The following NDUFC2 variants were observed in gnomAD, a reference collection of about 807,000 sequenced individuals.
NDUFC2 encodes the protein NADH dehydrogenase [ubiquinone] 1 subunit C2.
NDUFC2 carries 2 observed loss-of-function variants against 10.1 expected under a neutral mutation model. The ratio of observed to expected loss-of-function variants is 0.20; its 90% CI spans 0.08 to 0.62. NDUFC2 has a LOEUF of 0.62. Among genes scored for constraint, NDUFC2 ranks in the 20% least tolerant of loss-of-function variants. The pLI, the probability that NDUFC2 is intolerant of heterozygous loss-of-function variation, is 0.87. For synonymous variants in NDUFC2, 61 were observed against 63.6 expected, an observed-to-expected ratio of 0.96 and a Z score of 0.20; for missense variants, 156 against 159.6, an observed-to-expected ratio of 0.98 and a Z score of 0.12.
chr11:78,069,843 G>A lies in NDUFC2; in HGVS notation c.*144C>T. The A allele has an allele frequency of 6.5e-7, 1 of 1,545,026 alleles. No homozygotes were observed. Among genetic ancestry groups the A allele is most frequent in the Non-Finnish European group, 8.8e-7 (1 of 1,131,626 alleles). ...GAACTATTTTTCTTACAACAATAAA[G>A]AGTCAGAGTACTCATGGTACGTATT... is the stretch of plus-strand genomic sequence containing the variant. On this transcript the variant is annotated 3_prime_UTR_variant, in exon 3 of 3. Coordinates refer to ENST00000281031, the MANE Select transcript of NDUFC2 (RefSeq NM_004549.6).
intron 1 of NDUFC2, among the ~76,000 whole-genome samples, chr11:78,079,113 C>CAAAA (rs386374249): frequency 0.061 from 8,366 of 137,420 alleles, 841 homozygotes; most frequent in African/African-American, 0.21. Flanking sequence ...ATTCAGAGGT[C>CAAAA]AAAAAAAAAA....
chr11:78,073,868 C>T (rs1859130605), intron 1 of NDUFC2, among the ~76,000 whole-genome samples: 1 of 149,904 alleles, frequency 6.7e-6, no homozygotes, highest in South Asian at 2.1e-4. Flanking sequence ...TTGAGACACC[C>T]TACATATTCT....
intron 1 of NDUFC2, among the ~76,000 whole-genome samples, chr11:78,073,692 C>T (rs1404099784): frequency 1.0e-4 from 15 of 147,410 alleles, no homozygotes; most frequent in Non-Finnish European, 1.5e-5. Flanking sequence ...ATCCCAACTA[C>T]TTGGGTGGCT....
chr11:78,071,948 G>A (rs543044359), intron 2 of NDUFC2, among the ~76,000 whole-genome samples: 7 of 152,320 alleles, frequency 4.6e-5, no homozygotes, highest in East Asian at 3.9e-4. Context: ...CCACTATTAT[G>A]CATAAGTAAG....
chr11:78,072,010 C>A (rs1031638097), intron 2 of NDUFC2, among the ~76,000 whole-genome samples: 1 of 152,070 alleles, frequency 6.6e-6, no homozygotes, highest in African/African-American at 2.4e-5. Context: ...AAAGACGAAG[C>A]TACAATCCAT....
chr11:78,074,243 T>C (rs970756092), intron 1 of NDUFC2, among the ~76,000 whole-genome samples: 5 of 152,096 alleles, frequency 3.3e-5, no homozygotes, highest in African/African-American at 4.8e-5. Flanking sequence ...TATTTTAGCA[T>C]ATAGCACTTA....
At chr11:78,070,190 A>AC (rs1156786636) in intron 2 of NDUFC2, among the ~76,000 whole-genome samples, 154 bp from the exon 3 acceptor site, 2 of 152,236 alleles carry the variant, frequency 1.3e-5, no homozygotes, top group South Asian at 2.1e-4. Context: ...TTGAAATGTA[A>AC]CCCCCAAGAT....
chr11:78,070,069 T>A, intron 2 of NDUFC2, 33 bp from the exon 3 acceptor site: 1 of 1,403,244 alleles, frequency 7.1e-7, no homozygotes, highest in South Asian at 1.3e-5. Flanking sequence ...AGATTTATTT[T>A]AAAAATATGT....
intron 2 of NDUFC2, among the ~76,000 whole-genome samples, chr11:78,070,789 C>T (rs902529073): frequency 6.6e-6 from 1 of 152,184 alleles, no homozygotes; most frequent in African/African-American, 2.4e-5. Context: ...GCTCTCCGGG[C>T]TCCCACTGTC....
At chr11:78,075,324 T>G (rs1186205738) in intron 1 of NDUFC2, among the ~76,000 whole-genome samples, 4 of 152,164 alleles carry the variant, frequency 2.6e-5, no homozygotes, top group Non-Finnish European at 5.9e-5. Flanking sequence ...AATAATTTGT[T>G]GTATAGTTCA....
At chr11:78,070,879 G>A (rs1858972113) in intron 2 of NDUFC2, among the ~76,000 whole-genome samples, 1 of 152,184 alleles carries the variant, frequency 6.6e-6, no homozygotes, top group Non-Finnish European at 1.5e-5. Context: ...ACACACTCCT[G>A]CAGACACAGG....
At chr11:78,075,370 C>G (rs1381309767) in intron 1 of NDUFC2, among the ~76,000 whole-genome samples, 1 of 152,106 alleles carries the variant, frequency 6.6e-6, no homozygotes, top group Non-Finnish European at 1.5e-5. Context: ...ATGTTCCCAA[C>G]ATAAAGAAGG....
intron 2 of NDUFC2, among the ~76,000 whole-genome samples, chr11:78,072,634 G>A (rs1337908973): frequency 6.6e-6 from 1 of 152,194 alleles, no homozygotes; most frequent in Non-Finnish European, 1.5e-5. Flanking sequence ...TCAAAGTTAA[G>A]AAATATTTAG....
At chr11:78,076,006 C>T (rs1385706967) in intron 1 of NDUFC2, among the ~76,000 whole-genome samples, 1 of 152,156 alleles carries the variant, frequency 6.6e-6, no homozygotes, top group Non-Finnish European at 1.5e-5. Context: ...GTGACACACA[C>T]CTTCACTCTA....
chr11:78,078,201 C>A (rs1360408949), intron 1 of NDUFC2, among the ~76,000 whole-genome samples: 1 of 152,202 alleles, frequency 6.6e-6, no homozygotes, highest in African/African-American at 2.4e-5. Context: ...CTCCAATCAA[C>A]GCCTCACATT....
rs1354253319 is a variant in NDUFC2 at position 78,069,739 on chromosome 11, T to G, written c.*248A>C. ...GGCAGTGGGCCAGATTTGGGTAGTCTGCTAACTCTAAACTAGAATTCAACC... is the reference window on the plus strand; with the variant it reads ...GGCAGTGGGCCAGATTTGGGTAGTCGGCTAACTCTAAACTAGAATTCAACC... On this transcript the variant is annotated 3_prime_UTR_variant, in exon 3 of 3. Transcript: ENST00000281031. The G allele has an allele frequency of 2.5e-6, 2 of 804,280 alleles. No individual in the cohort carries two copies. Among genetic ancestry groups the G allele is most frequent in the African/African-American group, 3.5e-5 (2 of 57,558 alleles). 49.8% of individuals were successfully genotyped at this position (804,280 alleles called of 1,614,324 possible). A position where few individuals can be genotyped will look rare whatever the true frequency, so the allele number is the denominator to read the frequency against.
chr11:78,074,831 T>G (rs1449589454), intron 1 of NDUFC2, among the ~76,000 whole-genome samples: 1 of 152,212 alleles, frequency 6.6e-6, no homozygotes, highest in Non-Finnish European at 1.5e-5. Flanking sequence ...AGAGTGCATG[T>G]TCTCCCATGT....
Position 78,068,360 on chromosome 11 carries a change from T to G in NDUFC2, c.*1627A>C, listed in dbSNP as rs1047635228. On this transcript the variant is annotated 3_prime_UTR_variant, in exon 3 of 3. Coordinates refer to ENST00000281031, the MANE Select transcript of NDUFC2 (RefSeq NM_004549.6). ...AAATCCAAAGCCTTGTATTTGTACA[T>G]CTTTATTATTTCTAAAGCACTTTCC... The G allele has an allele frequency of 6.6e-6, 1 of 152,204 alleles. No individual in the cohort carries two copies. Among genetic ancestry groups the G allele is most frequent in the South Asian group, 2.1e-4 (1 of 4,836 alleles). 9.4% of individuals were successfully genotyped at this position (152,204 alleles called of 1,614,324 possible).
Position 78,070,166 on chromosome 11 carries a change from C to T in NDUFC2, c.311-130G>A, listed in dbSNP as rs7124965. ...CTGTGGTCTGAATGTTCATGTCCCC[C>T]CAAAGTTCATAAATTGAAATGTAAC... is the stretch of plus-strand genomic sequence containing the variant. On this transcript the variant is annotated intron_variant, in intron 2 of 2. Coordinates refer to ENST00000281031, the MANE Select transcript of NDUFC2 (RefSeq NM_004549.6). 2.5e-5 allele frequency: 17 copies of T among 687,036 alleles called. No individual in the cohort carries two copies. The African/African-American group carries it at 2.9e-4, about 12-fold the overall frequency. 42.6% of individuals were successfully genotyped at this position (687,036 alleles called of 1,614,324 possible). A position where few individuals can be genotyped will look rare whatever the true frequency, so the allele number is the denominator to read the frequency against.
Sources: allele counts gnomAD v4.1 joint callset (sites outside exome capture counted in the v4.1 genomes callset), GRCh38; gene constraint gnomAD v4.1.1; transcripts MANE v1.5; gene names NCBI Gene and HGNC (gene_info 2026-07-23, HGNC 2026-07-21).